Variants in NALF1 observed in about 807,000 individuals in gnomAD.
NALF1 encodes family with sequence similarity 155 member A.
A neutral mutation model predicts 48.4 loss-of-function variants in NALF1; 3 were observed. The ratio of observed to expected loss-of-function variants is 0.06; its 90% CI spans 0.03 to 0.16. The LOEUF (loss-of-function observed/expected upper bound fraction) is 0.16. NALF1 is among the 10% of genes least tolerant of loss of function. The probability of loss-of-function intolerance (pLI) is 1.00; values close to 1 mark genes in which losing one functional copy is unlikely to be tolerated. For synonymous variants in NALF1, 262 were observed against 245.7 expected (o/e 1.07, Z -0.62); for missense variants, 526 against 571.5 (o/e 0.92, Z 0.81).
chr13:107,391,280 C>T (rs977045532), intron 1 of NALF1, among the ~76,000 whole-genome samples: 1 of 152,016 alleles, frequency 6.6e-6, no homozygotes, highest in African/African-American at 2.4e-5. Context: ...CCTAAGGGGT[C>T]TAGGGAGTAA....
chr13:107,725,402 C>T (rs75839708), intron 1 of NALF1, among the ~76,000 whole-genome samples: 5,716 of 152,148 alleles, frequency 0.038, 261 homozygotes, highest in African/African-American at 0.11. Flanking sequence ...TGGACAATTG[C>T]TAAGAGTAGA....
intron 1 of NALF1, among the ~76,000 whole-genome samples, chr13:107,421,370 T>C (rs1884184015): frequency 6.6e-6 from 1 of 152,208 alleles, no homozygotes; most frequent in South Asian, 2.1e-4. Flanking sequence ...AGTTTCATAT[T>C]TCTTTACTGA....
intron 1 of NALF1, among the ~76,000 whole-genome samples, chr13:107,510,299 A>G (rs1427252173): frequency 6.6e-6 from 1 of 152,140 alleles, no homozygotes; most frequent in Non-Finnish European, 1.5e-5. Context: ...AGCTCAGTTC[A>G]TTTCATGATT....
chr13:107,714,626 T>G (rs866267500), intron 1 of NALF1, among the ~76,000 whole-genome samples: 4 of 126,490 alleles, frequency 3.2e-5, no homozygotes, highest in African/African-American at 1.2e-4. Flanking sequence ...GAGGCTTTAT[T>G]AAAAAAAAAA....
intron 1 of NALF1, among the ~76,000 whole-genome samples, chr13:107,451,196 T>C (rs970615211): frequency 1.3e-5 from 2 of 151,680 alleles, no homozygotes; most frequent in African/African-American, 4.8e-5. Flanking sequence ...CAAGCGGAAA[T>C]GTTTGCTTCT....
intron 1 of NALF1, among the ~76,000 whole-genome samples, chr13:107,635,441 C>CACCTCCATCATTCAACT (rs6145233): frequency 0.59 from 89,501 of 151,248 alleles, 28,417 homozygotes; most frequent in East Asian, 0.99. Flanking sequence ...TAGGGGTAAC[C>CACCTCCATCATTCAACT]ACCTCCCACT....
At position 107,504,622 on chromosome 13, in the gene NALF1, G is replaced by A. The variant is rs534959804; in HGVS notation, c.916-293867C>T. Among the ~76,000 whole-genome samples the A allele has an allele frequency of 3.6e-4, 54 of 152,058 alleles. 3 individuals carry two copies. The South Asian group carries it at 9.2e-3, about 26-fold the overall frequency. On this transcript the variant is annotated intron_variant, in intron 1 of 2. Coordinates refer to ENST00000375915, the MANE Select transcript of NALF1 (RefSeq NM_001080396.3). Reference sequence around the variant, plus strand: ...CATAAAGTTCAAAGTTCTTGATACCGGTATCGAAGGCCCCCCTAAATATGA... The same window carrying A: ...CATAAAGTTCAAAGTTCTTGATACCAGTATCGAAGGCCCCCCTAAATATGA...
intron 1 of NALF1, among the ~76,000 whole-genome samples, chr13:107,365,402 A>G (rs1249207480): frequency 3.3e-5 from 5 of 152,104 alleles, no homozygotes; most frequent in Non-Finnish European, 5.9e-5. Context: ...TTCCTCTGAC[A>G]GCCCTGCCGA....
intron 1 of NALF1, among the ~76,000 whole-genome samples, chr13:107,611,166 T>A (rs762039658): frequency 6.6e-5 from 10 of 152,196 alleles, no homozygotes; most frequent in Non-Finnish European, 1.3e-4. Context: ...TTAAAAAAAA[T>A]GTCAGTCTGT....
Position 107,694,797 on chromosome 13 carries a change from C to CTT in NALF1, c.915+170883_915+170884dup, listed in dbSNP as rs113861895. ...CTATGACATTATTTTGAAGTCAGTT[C>CTT]TTTTTTTTTTTTTGAGACAGAGTCT... On this transcript the variant is annotated intron_variant, in intron 1 of 2. Coordinates refer to ENST00000375915, the MANE Select transcript of NALF1 (RefSeq NM_001080396.3). Among the ~76,000 whole-genome samples the CTT allele has an allele frequency of 3.7e-3, 541 of 144,350 alleles. 4 individuals are homozygous for CTT. The highest frequency in any genetic ancestry group is 0.013 in the African/African-American group (498 of 39,568). The allele number at this position is 144,350 out of a possible 152,430, so 94.7% of individuals were successfully genotyped here.
intron 1 of NALF1, among the ~76,000 whole-genome samples, chr13:107,223,841 C>A (rs961885073): frequency 1.5e-4 from 23 of 152,152 alleles, no homozygotes; most frequent in African/African-American, 4.8e-4. Flanking sequence ...CCCATCCCTG[C>A]AAATGTGCTT....
chr13:107,764,948 G>C (rs552980231), intron 1 of NALF1, among the ~76,000 whole-genome samples: 1 of 152,182 alleles, frequency 6.6e-6, no homozygotes, highest in East Asian at 1.9e-4. Flanking sequence ...TTACTACGTG[G>C]GTTACTTTAT....
chr13:107,767,950 T>A lies in NALF1; in HGVS notation c.915+97732A>T, dbSNP rs1369771674. ...AGAGACACGTTGAGAAAGTAAGGAC[T>A]ACCCGGAATGATCCCCGGGCAGTCA... On this transcript the variant is annotated intron_variant, in intron 1 of 2. Transcript: ENST00000375915. 2.0e-5 allele frequency among the ~76,000 whole-genome samples: 3 copies of A among 152,276 alleles called. No homozygotes were observed. The East Asian group carries it at 5.8e-4, about 29-fold the overall frequency.
At chr13:107,562,535 C>T (rs1268334953) in intron 1 of NALF1, among the ~76,000 whole-genome samples, 3 of 152,126 alleles carry the variant, frequency 2.0e-5, no homozygotes, top group Non-Finnish European at 4.4e-5. Flanking sequence ...TCAATACAAA[C>T]GTTTCCATTT....
intron 1 of NALF1, among the ~76,000 whole-genome samples, chr13:107,285,999 A>G (rs1002097052): frequency 1.3e-5 from 2 of 152,224 alleles, no homozygotes; most frequent in African/African-American, 2.4e-5. Context: ...ATTTGAAGAA[A>G]TACTGGACAA....
chr13:107,307,679 T>C (rs1881964376), intron 1 of NALF1, among the ~76,000 whole-genome samples: 2 of 150,250 alleles, frequency 1.3e-5, no homozygotes, highest in Non-Finnish European at 3.0e-5. Context: ...ATAATGGCAT[T>C]GAAATGGATA....
intron 1 of NALF1, among the ~76,000 whole-genome samples, chr13:107,626,101 T>C (rs528543354): frequency 2.0e-5 from 3 of 152,212 alleles, no homozygotes; most frequent in South Asian, 4.1e-4. Context: ...GTTAATAGAT[T>C]TCATTAATAA....
At chr13:107,221,169 G>T (rs574747594) in intron 1 of NALF1, among the ~76,000 whole-genome samples, 5 of 152,226 alleles carry the variant, frequency 3.3e-5, no homozygotes, top group Admixed American at 3.3e-4. Context: ...AAAACTACCT[G>T]TAGGGTACAA....
At chr13:107,340,846 T>G (rs1396313409) in intron 1 of NALF1, among the ~76,000 whole-genome samples, 1 of 152,192 alleles carries the variant, frequency 6.6e-6, no homozygotes. Context: ...CAAACTGCAA[T>G]GGGACAGCCT....
Sources: gnomAD v4.1 joint callset for allele counts (sites outside exome capture counted in the v4.1 genomes callset) on GRCh38, gnomAD v4.1.1 for gene constraint, MANE v1.5 for transcripts, NCBI Gene and HGNC (gene_info 2026-07-23, HGNC 2026-07-21) for gene names.